Variants in CTNND2 observed in about 807,000 individuals in gnomAD.
The protein encoded by CTNND2 is catenin delta-2.
A neutral mutation model predicts 144.4 loss-of-function variants in CTNND2; 22 were observed. The observed-to-expected ratio is 0.15, with a 90% CI of 0.11 to 0.22. The LOEUF is 0.22. CTNND2 is among the 10% of genes least tolerant of loss of function. CTNND2 has a pLI of 1.00. For missense variants in CTNND2, 1,353 were observed against 1,618.8 expected, an observed-to-expected ratio of 0.84 and a Z score of 2.82; for synonymous variants, 751 against 695.6, an observed-to-expected ratio of 1.08 and a Z score of -1.25.
chr5:11,785,131 C>T (rs752022572), intron 1 of CTNND2, among the ~76,000 whole-genome samples: 2 of 152,170 alleles, frequency 1.3e-5, no homozygotes, highest in Non-Finnish European at 2.9e-5. Context: ...ACCTTATACA[C>T]AGGCTTTTTC....
At chr5:11,677,217 C>T (rs1784215957) in intron 2 of CTNND2, among the ~76,000 whole-genome samples, 1 of 152,218 alleles carries the variant, frequency 6.6e-6, no homozygotes, top group Admixed American at 6.5e-5. Context: ...CAACCAATCA[C>T]AAGTTGCCAA....
chr5:11,242,969 C>T (rs1389361639), intron 9 of CTNND2, among the ~76,000 whole-genome samples: 1 of 152,164 alleles, frequency 6.6e-6, no homozygotes, highest in Non-Finnish European at 1.5e-5. Flanking sequence ...TGATCAACTA[C>T]TAAGAGCTAG....
At chr5:11,194,057 G>A (rs1285348765) in intron 11 of CTNND2, among the ~76,000 whole-genome samples, 2 of 152,162 alleles carry the variant, frequency 1.3e-5, no homozygotes, top group African/African-American at 4.8e-5. Flanking sequence ...ATAGAGAAGA[G>A]AATGGAAGGA....
intron 1 of CTNND2, among the ~76,000 whole-genome samples, chr5:11,867,491 C>T (rs1233796248): frequency 1.3e-5 from 2 of 152,190 alleles, no homozygotes; most frequent in African/African-American, 4.8e-5. Context: ...GTTTCATTAA[C>T]AGGATACTCA....
At chr5:11,566,221 G>A (rs1040916745) in intron 2 of CTNND2, among the ~76,000 whole-genome samples, 9 of 152,292 alleles carry the variant, frequency 5.9e-5, no homozygotes, top group African/African-American at 1.9e-4. Context: ...CAAAGTAAAA[G>A]ACACTTTGTA....
At chr5:11,775,700 A>C (rs1484545715) in intron 1 of CTNND2, among the ~76,000 whole-genome samples, 1 of 152,208 alleles carries the variant, frequency 6.6e-6, no homozygotes, top group African/African-American at 2.4e-5. Context: ...TGGGCCCCGG[A>C]AGGGACTCTG....
chr5:11,466,714 C>T (rs1766710254), intron 3 of CTNND2, among the ~76,000 whole-genome samples: 1 of 152,138 alleles, frequency 6.6e-6, no homozygotes, highest in Non-Finnish European at 1.5e-5. Context: ...GACAAGATGA[C>T]ATTTCCAAGG....
chr5:11,438,868 C>T (rs1383181907), intron 3 of CTNND2, among the ~76,000 whole-genome samples: 1 of 152,118 alleles, frequency 6.6e-6, no homozygotes, highest in African/African-American at 2.4e-5. Context: ...GTCTAAACTA[C>T]ATGGCATTCT....
At chr5:11,027,581 G>T (rs1742988556) in intron 16 of CTNND2, among the ~76,000 whole-genome samples, 1 of 152,090 alleles carries the variant, frequency 6.6e-6, no homozygotes, top group African/African-American at 2.4e-5. Context: ...CTGAAACCTT[G>T]TAACTTTGCT....
chr5:11,524,840 C>T (rs1398534514), intron 3 of CTNND2, among the ~76,000 whole-genome samples: 3 of 152,056 alleles, frequency 2.0e-5, no homozygotes, highest in African/African-American at 7.2e-5. Context: ...TTTTGTTTCT[C>T]ATCATGCAAA....
chr5:11,823,332 T>C (rs1793420698), intron 1 of CTNND2, among the ~76,000 whole-genome samples: 2 of 152,196 alleles, frequency 1.3e-5, no homozygotes, highest in African/African-American at 4.8e-5. Context: ...GTGCTGGGTG[T>C]GCGTTGGGAG....
chr5:11,484,502 A>G lies in CTNND2; in HGVS notation c.288-72433T>C, dbSNP rs531398755. 7.2e-4 allele frequency among the ~76,000 whole-genome samples: 110 copies of G among 152,344 alleles called. 1 individual carries two copies. Among genetic ancestry groups the G allele is most frequent in the Admixed American group, 2.4e-3 (37 of 15,302 alleles). ...GAGACAGCACATTTCTGTACTAAGA[A>G]AAACACATTTACTAAGAGAAGTGTT... On this transcript the variant is annotated intron_variant, in intron 3 of 21. Transcript: ENST00000304623.
chr5:11,854,791 C>A (rs1008132723), intron 1 of CTNND2, among the ~76,000 whole-genome samples: 2 of 152,212 alleles, frequency 1.3e-5, no homozygotes, highest in Non-Finnish European at 2.9e-5. Flanking sequence ...AGTAGTTCTT[C>A]AACCTTCCTG....
At chr5:11,534,233 T>G (rs1263571913) in intron 3 of CTNND2, among the ~76,000 whole-genome samples, 1 of 152,172 alleles carries the variant, frequency 6.6e-6, no homozygotes, top group Non-Finnish European at 1.5e-5. Context: ...ACTCCCACAG[T>G]TACATCAGCT....
At chr5:11,064,521 A>G (rs993695194) in intron 16 of CTNND2, among the ~76,000 whole-genome samples, 2 of 151,862 alleles carry the variant, frequency 1.3e-5, no homozygotes, top group Admixed American at 1.3e-4. Flanking sequence ...CGAGATAGAG[A>G]ACATTCCATG....
intron 18 of CTNND2, among the ~76,000 whole-genome samples, chr5:11,015,477 T>G (rs1159651321): frequency 6.6e-6 from 1 of 152,246 alleles, no homozygotes; most frequent in East Asian, 1.9e-4. Flanking sequence ...AAACATATTT[T>G]AAGCATCTTC....
At chr5:11,826,682 C>A (rs1467745406) in intron 1 of CTNND2, among the ~76,000 whole-genome samples, 1 of 151,672 alleles carries the variant, frequency 6.6e-6, no homozygotes, top group Non-Finnish European at 1.5e-5. Context: ...AAGTACCATT[C>A]AAAAGAAATC....
intron 1 of CTNND2, among the ~76,000 whole-genome samples, chr5:11,860,659 T>C (rs771871354): frequency 3.9e-5 from 6 of 152,362 alleles, no homozygotes; most frequent in Non-Finnish European, 5.9e-5. Context: ...ACAACAGATA[T>C]GTAAAGAAAC....
intron 21 of CTNND2, among the ~76,000 whole-genome samples, chr5:10,978,843 A>G (rs1736843328): frequency 6.6e-6 from 1 of 152,248 alleles, no homozygotes; most frequent in Non-Finnish European, 1.5e-5. Flanking sequence ...ATGCCATCTT[A>G]GCACATTAAT....
Sources: gnomAD v4.1 joint callset for allele counts (sites outside exome capture counted in the v4.1 genomes callset) on GRCh38, gnomAD v4.1.1 for gene constraint, MANE v1.5 for transcripts, NCBI Gene and HGNC (gene_info 2026-07-23, HGNC 2026-07-21) for gene names.